The following ARHGAP44 variants were observed in gnomAD, a reference collection of about 807,000 sequenced individuals.
ARHGAP44 encodes the protein Rho GTPase activating protein 44.
In ARHGAP44, 43 loss-of-function variants were observed where a neutral mutation model predicts 106.8. The observed-to-expected ratio is 0.40, with a 90% CI of 0.32 to 0.52. The LOEUF is 0.52. ARHGAP44 is among the 20% of genes least tolerant of loss of function. The pLI, the probability that ARHGAP44 is intolerant of heterozygous loss-of-function variation, is 0.48. For missense variants in ARHGAP44, 866 were observed against 1,050.5 expected, an observed-to-expected ratio of 0.82 and a Z score of 2.43; for synonymous variants, 439 against 410.3, an observed-to-expected ratio of 1.07 and a Z score of -0.85.
intron 1 of ARHGAP44, among the ~76,000 whole-genome samples, chr17:12,861,661 G>GTTTT (rs2036084676): frequency 4.5e-4 from 1 of 2,240 alleles, no homozygotes; most frequent in African/African-American, 9.8e-4. Flanking sequence ...TTTTTTTTGA[G>GTTTT]ATGGAATCTT....
At chr17:12,843,837 G>C (rs923305362) in intron 1 of ARHGAP44, among the ~76,000 whole-genome samples, 1 of 151,198 alleles carries the variant, frequency 6.6e-6, no homozygotes, top group Non-Finnish European at 1.5e-5. Context: ...TGTGTTTTTA[G>C]TAGATTCGGG....
intron 1 of ARHGAP44, chr17:12,790,700 A>G (rs2033723462): frequency 6.6e-6 from 1 of 152,584 alleles, no homozygotes; most frequent in Non-Finnish European, 1.5e-5. Context: ...AATGGGCTAC[A>G]TCTGGACTCC....
intron 16 of ARHGAP44, among the ~76,000 whole-genome samples, chr17:12,965,265 C>T (rs561394486): frequency 9.2e-5 from 14 of 152,258 alleles, no homozygotes; most frequent in Admixed American, 5.2e-4. Flanking sequence ...TGAAACCCGA[C>T]GCACCTACTG....
chr17:12,874,947 G>T (rs1400767524), intron 1 of ARHGAP44, among the ~76,000 whole-genome samples: 3 of 148,136 alleles, frequency 2.0e-5, no homozygotes, highest in African/African-American at 7.4e-5. Flanking sequence ...CAGAATGGGG[G>T]TCAGGAGATG....
At chr17:12,854,107 C>T (rs2035837176) in intron 1 of ARHGAP44, among the ~76,000 whole-genome samples, 1 of 152,190 alleles carries the variant, frequency 6.6e-6, no homozygotes, top group Non-Finnish European at 1.5e-5. Context: ...AGTGCCGTGT[C>T]TCCTGGTGGT....
chr17:12,989,153 T>C (rs1207270448), intron 20 of ARHGAP44, among the ~76,000 whole-genome samples: 1 of 141,834 alleles, frequency 7.1e-6, no homozygotes, highest in East Asian at 2.0e-4. Context: ...GGGGACAGCA[T>C]GACGAGAGTA....
intron 13 of ARHGAP44, 118 bp downstream of exon 13, chr17:12,952,699 G>A: frequency 3.7e-6 from 2 of 542,354 alleles, no homozygotes; most frequent in Non-Finnish European, 6.4e-6. Flanking sequence ...TGATGTCCAA[G>A]GTATTATTAA....
At chr17:12,839,698 G>C (rs941062154) in intron 1 of ARHGAP44, among the ~76,000 whole-genome samples, 2 of 152,154 alleles carry the variant, frequency 1.3e-5, no homozygotes, top group African/African-American at 2.4e-5. Flanking sequence ...TGTTGTTGTT[G>C]TTAAAATGTG....
chr17:12,939,084 A>T (rs1239159622), intron 7 of ARHGAP44, among the ~76,000 whole-genome samples: 1 of 152,076 alleles, frequency 6.6e-6, no homozygotes, highest in South Asian at 2.1e-4. Context: ...CTGGTGATGG[A>T]TATCTCCTGA....
At chr17:12,921,257 G>A (rs2038076522) in intron 6 of ARHGAP44, among the ~76,000 whole-genome samples, 1 of 152,062 alleles carries the variant, frequency 6.6e-6, no homozygotes, top group African/African-American at 2.4e-5. Flanking sequence ...AGTATACACA[G>A]GGTTCCGCCA....
chr17:12,915,917 G>A lies in ARHGAP44; in HGVS notation c.293G>A (p.Cys98Tyr). The stretch of plus-strand genomic sequence containing the variant: ...GATTACAGGAAGATGCTGAAACTCT[G>A]TGGAGAGACGGAGGACAAGCTGGCT... Reference protein sequence around the residue: ...DTLLGKMLKLCGETEDKLAQE... With the variant: ...DTLLGKMLKLYGETEDKLAQE... Residue 98 changes from cysteine (C) to tyrosine (Y), a missense_variant, in exon 5 of 21, where the codon TGT becomes TAT. Physicochemically the swap from Cys to Tyr is radical, Grantham distance 194 (BLOSUM62 -2). Around this residue, in one of 2 missense-constraint regions of ARHGAP44, gnomAD observed 448 missense variants for 646.9 expected, o/e 0.69. Transcript: ENST00000379672. 6.2e-7 allele frequency: 1 copy of A among 1,613,848 alleles called. No homozygotes were observed. Among genetic ancestry groups the A allele is most frequent in the Non-Finnish European group, 8.5e-7 (1 of 1,179,830 alleles).
intron 16 of ARHGAP44, among the ~76,000 whole-genome samples, chr17:12,966,430 A>G (rs2039393703): frequency 6.6e-6 from 1 of 152,128 alleles, no homozygotes; most frequent in Middle Eastern, 3.2e-3. Flanking sequence ...CTTTATGTGT[A>G]CTGGAGAGGT....
chr17:12,865,124 A>G (rs2036198125), intron 1 of ARHGAP44, among the ~76,000 whole-genome samples: 1 of 152,222 alleles, frequency 6.6e-6, no homozygotes, highest in Admixed American at 6.5e-5. Context: ...ATGTATAGAC[A>G]TTTCCTGGTG....
chr17:12,928,797 A>C (rs986313964), intron 6 of ARHGAP44, 132 bp from the exon 7 acceptor site: 1 of 723,284 alleles, frequency 1.4e-6, no homozygotes. Flanking sequence ...GTGCCTTTTC[A>C]TGACCTCCCT....
intron 1 of ARHGAP44, among the ~76,000 whole-genome samples, chr17:12,894,441 T>G (rs2037144198): frequency 6.6e-6 from 1 of 152,230 alleles, no homozygotes; most frequent in Non-Finnish European, 1.5e-5. Context: ...GTTCTTTCTC[T>G]AAATGTAGAA....
chr17:12,980,446 T>C (rs1345632591), intron 19 of ARHGAP44, among the ~76,000 whole-genome samples: 2 of 152,298 alleles, frequency 1.3e-5, no homozygotes, highest in African/African-American at 4.8e-5. Flanking sequence ...ATTAGGGGCG[T>C]ATAGAGGCCA....
chr17:12,940,975 T>C, intron 7 of ARHGAP44, 81 bp from the exon 8 acceptor site: 3 of 1,227,774 alleles, frequency 2.4e-6, no homozygotes, highest in Non-Finnish European at 3.6e-6. Flanking sequence ...AGGCTCTTTC[T>C]CACGTGATGT....
intron 1 of ARHGAP44, among the ~76,000 whole-genome samples, chr17:12,793,711 C>CAA (rs777188771): frequency 5.4e-5 from 7 of 129,442 alleles, no homozygotes; most frequent in African/African-American, 1.0e-4. Context: ...CCATCTCACA[C>CAA]AAAAAAAAAA....
chr17:12,872,485 A>T (rs781692032), intron 1 of ARHGAP44, among the ~76,000 whole-genome samples: 4 of 152,090 alleles, frequency 2.6e-5, no homozygotes, highest in Non-Finnish European at 4.4e-5. Flanking sequence ...AAATAATATG[A>T]TTTTATTTTG....
Sources: gnomAD v4.1 joint callset for allele counts (sites outside exome capture counted in the v4.1 genomes callset) on GRCh38, gnomAD v4.1.1 for gene constraint, gnomAD v4.1.1 regional missense constraint, MANE v1.5 for transcripts, NCBI Gene and HGNC (gene_info 2026-07-23, HGNC 2026-07-21) for gene names.